The following CTNNA2 variants were observed in gnomAD, a reference collection of about 807,000 sequenced individuals.
CTNNA2 encodes catenin alpha 2, also known as catenin alpha-2.
A neutral mutation model predicts 101.0 loss-of-function variants in CTNNA2; 42 were observed. That is an observed-to-expected ratio of 0.42 (90% CI 0.32 to 0.54). The LOEUF is 0.54. Among genes scored for constraint, CTNNA2 ranks in the 20% least tolerant of loss-of-function variants. CTNNA2 has a pLI of 0.14. For missense variants in CTNNA2, 871 were observed against 1,223.1 expected (o/e 0.71, Z 4.29); for synonymous variants, 450 against 456.4 (o/e 0.99, Z 0.18).
At chr2:79,436,123 C>T (rs560461088) in intron 4 of CTNNA2, among the ~76,000 whole-genome samples, 8 of 152,116 alleles carry the variant, frequency 5.3e-5, no homozygotes, top group South Asian at 2.1e-4. Context: ...ATGCAGTTAG[C>T]GTAATCTCAA....
intron 8 of CTNNA2, among the ~76,000 whole-genome samples, chr2:80,403,574 C>T (rs1194934086): frequency 1.3e-5 from 2 of 152,172 alleles, no homozygotes; most frequent in Non-Finnish European, 2.9e-5. Flanking sequence ...TTCAGGTCTA[C>T]AGTAATTTCC....
chr2:79,317,427 G>T (rs968572363), intron 3 of CTNNA2, among the ~76,000 whole-genome samples: 24 of 152,010 alleles, frequency 1.6e-4, no homozygotes, highest in African/African-American at 5.8e-4. Context: ...TCATAGATTG[G>T]GTTGGGTTAT....
intron 7 of CTNNA2, among the ~76,000 whole-genome samples, chr2:80,306,400 T>TTTTCTTTTCTTTTC (rs1491389570): frequency 9.2e-4 from 100 of 109,254 alleles, no homozygotes; most frequent in African/African-American, 2.0e-3. Flanking sequence ...TTTTCTTTTC[T>TTTTCTTTTCTTTTC]TTTCTTTCTT....
At chr2:80,605,353 G>A (rs940349478) in intron 16 of CTNNA2, 4 of 151,888 alleles carry the variant, frequency 2.6e-5, no homozygotes, top group Admixed American at 2.0e-4. Context: ...TGGATGGATT[G>A]TATCATAAAA....
At chr2:79,312,281 TAGTTGGCC>T (rs1326026778) in intron 2 of CTNNA2, among the ~76,000 whole-genome samples, 3 of 152,232 alleles carry the variant, frequency 2.0e-5, no homozygotes, top group Non-Finnish European at 4.4e-5. Context: ...TAGAAATGTG[TAGTTGGCC>T]AGTCATTCTT....
intron 1 of CTNNA2, among the ~76,000 whole-genome samples, chr2:79,572,145 G>C (rs1675496577): frequency 6.6e-6 from 1 of 151,982 alleles, no homozygotes; most frequent in Admixed American, 6.6e-5. Flanking sequence ...TTATGAGATG[G>C]CATGATAAAG....
intron 3 of CTNNA2, among the ~76,000 whole-genome samples, chr2:79,369,147 G>A (rs1327707063): frequency 3.3e-5 from 5 of 152,108 alleles, no homozygotes; most frequent in African/African-American, 1.2e-4. Flanking sequence ...CAATAAGGGA[G>A]TGGAGAAGGT....
chr2:80,414,792 G>A (rs1679892647), intron 8 of CTNNA2, among the ~76,000 whole-genome samples: 1 of 152,172 alleles, frequency 6.6e-6, no homozygotes, highest in South Asian at 2.1e-4. Context: ...GCTAGAATTA[G>A]TTTCTAATGC....
At chr2:79,570,518 G>A (rs1175802936) in intron 1 of CTNNA2, among the ~76,000 whole-genome samples, 1 of 152,078 alleles carries the variant, frequency 6.6e-6, no homozygotes, top group East Asian at 1.9e-4. Context: ...TTTGCCGATT[G>A]TAACCTATCA....
chr2:80,265,158 A>T lies in CTNNA2; in HGVS notation c.1057-128053A>T, dbSNP rs544643170. Among the ~76,000 whole-genome samples the T allele has an allele frequency of 7.3e-4, 111 of 152,080 alleles. 1 individual carries two copies. The highest frequency in any genetic ancestry group is 1.2e-3 in the Non-Finnish European group (80 of 67,980). ...CCCAGCTAATTTTTGTATTTTTGGT[A>T]GAGACAGGGTTTCACCATGTTGGCC... On this transcript the variant is annotated intron_variant, in intron 7 of 18. Transcript: ENST00000402739.
In CTNNA2 at chr2:80,556,230, T is replaced by C. The variant is rs181405213; in HGVS notation, c.1741+337T>C. Among the ~76,000 whole-genome samples, 174 of 152,342 alleles carry C rather than the reference T, an allele frequency of 1.1e-3. 1 individual carries two copies. The highest frequency in any genetic ancestry group is 3.8e-3 in the African/African-American group (158 of 41,574). ...GACTTGAGAAAATTATGGTTTGAAT[T>C]GGCTAAGAGACTGGAATGAGGTCAC... On this transcript the variant is annotated intron_variant, in intron 12 of 18. Coordinates refer to ENST00000402739, the MANE Select transcript of CTNNA2 (RefSeq NM_001282597.3).
intron 2 of CTNNA2, among the ~76,000 whole-genome samples, chr2:79,699,633 A>T (rs896318970): frequency 1.3e-5 from 2 of 151,598 alleles, no homozygotes; most frequent in African/African-American, 4.8e-5. Context: ...GAGACCTTTC[A>T]AAAAGACCCT....
At chr2:80,264,779 CA>C (rs1458684918) in intron 7 of CTNNA2, among the ~76,000 whole-genome samples, 1 of 152,038 alleles carries the variant, frequency 6.6e-6, no homozygotes, top group Non-Finnish European at 1.5e-5. Flanking sequence ...TACTGATACA[CA>C]AAGATAGCAA....
intron 3 of CTNNA2, among the ~76,000 whole-genome samples, chr2:79,327,695 T>A (rs1179467867): frequency 6.6e-6 from 1 of 152,190 alleles, no homozygotes; most frequent in Non-Finnish European, 1.5e-5. Context: ...GGGAAAGGAC[T>A]CCTGCACCTC....
At chr2:79,797,487 C>T (rs1167071767) in intron 3 of CTNNA2, among the ~76,000 whole-genome samples, 1 of 151,758 alleles carries the variant, frequency 6.6e-6, no homozygotes, top group African/African-American at 2.4e-5. Flanking sequence ...GATGAAACCT[C>T]ATCTCTACTA....
chr2:80,613,461 A>G (rs1475785220), intron 17 of CTNNA2, among the ~76,000 whole-genome samples: 5 of 151,408 alleles, frequency 3.3e-5, no homozygotes, highest in Non-Finnish European at 5.9e-5. Context: ...GGTGCTGGGC[A>G]TCATAGAAAG....
chr2:80,177,838 T>C lies in CTNNA2; in HGVS notation c.1057-215373T>C, dbSNP rs537209897. ...CTGAACATCCAGTCAAACCATTGGC[T>C]ATAGCCCATGAATGAGTATATAATC... is the stretch of plus-strand genomic sequence containing the variant. On this transcript the variant is annotated intron_variant, in intron 7 of 18. Coordinates refer to ENST00000402739, the MANE Select transcript of CTNNA2 (RefSeq NM_001282597.3). 2.6e-5 allele frequency among the ~76,000 whole-genome samples: 4 copies of C among 152,340 alleles called. No individual in the cohort carries two copies. The South Asian group carries it at 8.3e-4, about 32-fold the overall frequency.
At chr2:79,296,165 A>C (rs1302355102) in intron 2 of CTNNA2, among the ~76,000 whole-genome samples, 38 of 152,142 alleles carry the variant, frequency 2.5e-4, no homozygotes, top group Non-Finnish European at 2.9e-5. Context: ...CTAAAATCTA[A>C]TAGTGTATCC....
intron 3 of CTNNA2, among the ~76,000 whole-genome samples, chr2:79,363,819 C>T (rs1264197834): frequency 6.6e-6 from 1 of 152,170 alleles, no homozygotes; most frequent in Non-Finnish European, 1.5e-5. Context: ...ACTAAATCAA[C>T]ACCGTCCAAG....
Sources: gnomAD v4.1 joint callset for allele counts (sites outside exome capture counted in the v4.1 genomes callset) on GRCh38, gnomAD v4.1.1 for gene constraint, MANE v1.5 for transcripts, NCBI Gene and HGNC (gene_info 2026-07-23, HGNC 2026-07-21) for gene names.